SPPL2A: variants seen among roughly 807,000 people sequenced by gnomAD.
SPPL2A encodes the protein signal peptide peptidase-like 2A.
SPPL2A carries 51 observed loss-of-function variants against 63.8 expected under a neutral mutation model. That is an observed-to-expected ratio of 0.80 (90% CI 0.64 to 1.01). The LOEUF is 1.01. Among genes scored for constraint, SPPL2A ranks in the 50% least tolerant of loss-of-function variants. The pLI is 0.00. For missense variants in SPPL2A, 553 were observed against 622.7 expected (o/e 0.89, Z 1.19); for synonymous variants, 188 against 205.8 (o/e 0.91, Z 0.74).
chr15:50,759,520 G>C (rs2062990471), intron 1 of SPPL2A, among the ~76,000 whole-genome samples: 1 of 152,128 alleles, frequency 6.6e-6, no homozygotes, highest in Non-Finnish European at 1.5e-5. Context: ...GAGGCAGGTG[G>C]ATCACAAGGT....
intron 14 of SPPL2A, among the ~76,000 whole-genome samples, chr15:50,716,704 GCTTGT>G (rs753423435): frequency 8.5e-5 from 13 of 152,104 alleles, no homozygotes; most frequent in Non-Finnish European, 1.5e-4. Context: ...TCCTGATGTT[GCTTGT>G]CTTCTTTGTC....
chr15:50,704,920 G>A lies in SPPL2A; in HGVS notation c.*2880C>T, dbSNP rs2062497732. 6.6e-6 allele frequency: 1 copy of A among 152,146 alleles called. No homozygotes were observed. Among genetic ancestry groups the A allele is most frequent in the Non-Finnish European group, 1.5e-5 (1 of 68,032 alleles). 9.4% of individuals were successfully genotyped at this position (152,146 alleles called of 1,614,324 possible). Reference sequence around the variant, plus strand: ...CTAATGGTTAGATAAAGTAGAATTTGTATCAAGTAACTCGGATTTCAGATT... The same window carrying A: ...CTAATGGTTAGATAAAGTAGAATTTATATCAAGTAACTCGGATTTCAGATT... On this transcript the variant is annotated 3_prime_UTR_variant, in exon 15 of 15. Transcript: ENST00000261854.
At chr15:50,721,998 A>G (rs1276678066) in intron 13 of SPPL2A, 126 bp downstream of exon 13, 5 of 580,964 alleles carry the variant, frequency 8.6e-6, no homozygotes, top group African/African-American at 1.9e-5. Context: ...CTTGGCCCCC[A>G]AAGTGCTAGG....
In SPPL2A at chr15:50,703,807, A is replaced by G. The variant is rs532079378; in HGVS notation, c.*3993T>C. 1.3e-5 allele frequency: 2 copies of G among 152,278 alleles called. No homozygotes were observed. Among genetic ancestry groups the G allele is most frequent in the East Asian group, 3.9e-4 (2 of 5,180 alleles). The allele number at this position is 152,278 out of a possible 1,614,324, so 9.4% of individuals were successfully genotyped here. ...AACATCTCATGCACTCCATAAATAT[A>G]TACACCTACATGTACCCACAATTTT... On this transcript the variant is annotated 3_prime_UTR_variant, in exon 15 of 15. Coordinates refer to ENST00000261854, the MANE Select transcript of SPPL2A (RefSeq NM_032802.4).
intron 1 of SPPL2A, among the ~76,000 whole-genome samples, chr15:50,760,147 T>A (rs935741950): frequency 3.3e-5 from 5 of 152,310 alleles, no homozygotes; most frequent in African/African-American, 1.2e-4. Context: ...CAGTTCTGGA[T>A]CAGGTGCCAG....
chr15:50,752,729 AAC>A (rs2062920517), intron 1 of SPPL2A, among the ~76,000 whole-genome samples: 1 of 151,774 alleles, frequency 6.6e-6, no homozygotes, highest in African/African-American at 2.4e-5. Context: ...AAAAAAAAAA[AAC>A]AACCCAAAAA....
chr15:50,739,471 T>C (rs888058997), intron 6 of SPPL2A, among the ~76,000 whole-genome samples: 3 of 151,938 alleles, frequency 2.0e-5, no homozygotes, highest in South Asian at 2.1e-4. Context: ...GAGTCACTGC[T>C]CCTGGCACAT....
At chr15:50,733,984 T>C (rs2062750106) in intron 8 of SPPL2A, among the ~76,000 whole-genome samples, 1 of 152,058 alleles carries the variant, frequency 6.6e-6, no homozygotes, top group South Asian at 2.1e-4. Flanking sequence ...TGAGATATCA[T>C]CTCATCCCAG....
chr15:50,741,153 C>G (rs1023707780), intron 5 of SPPL2A, among the ~76,000 whole-genome samples: 2 of 152,158 alleles, frequency 1.3e-5, no homozygotes, highest in East Asian at 3.9e-4. Flanking sequence ...TCTCTCTTGT[C>G]GACCTTACTA....
chr15:50,721,363 T>A (rs1267244379), intron 13 of SPPL2A, among the ~76,000 whole-genome samples: 1 of 152,122 alleles, frequency 6.6e-6, no homozygotes, highest in Non-Finnish European at 1.5e-5. Flanking sequence ...GACTGCTTTT[T>A]GAATTTCTTT....
chr15:50,721,258 G>A (rs754783561), intron 13 of SPPL2A, among the ~76,000 whole-genome samples: 8 of 151,804 alleles, frequency 5.3e-5, no homozygotes, highest in East Asian at 3.9e-4. Context: ...GGTCTCAAAC[G>A]CCTGACCTCA....
In SPPL2A at chr15:50,720,071, C is replaced by T; in HGVS notation, c.1357G>A (p.Val453Ile). 1 of 1,613,234 alleles carries T rather than the reference C, an allele frequency of 6.2e-7. No homozygotes were observed. The highest frequency in any genetic ancestry group is 8.5e-7 in the Non-Finnish European group (1 of 1,179,724). ...AYAIGMILTF[V>I]VLVLMKKGQP... The stretch of plus-strand genomic sequence containing the variant: ...CCCTTTTTCATCAGCACCAGAACAA[C>T]AAATGTAAGTATCATGCCAATAGCA... Residue 453 changes from valine to isoleucine, a missense_variant, in exon 14 of 15, where the codon GTT becomes ATT. Physicochemically the swap from Val to Ile is conservative, Grantham distance 29 (BLOSUM62 3). Coordinates refer to ENST00000261854, the MANE Select transcript of SPPL2A (RefSeq NM_032802.4).
chr15:50,720,122 A>T, intron 13 of SPPL2A, 22 bp from the exon 14 acceptor site: 1 of 1,588,650 alleles, frequency 6.3e-7, no homozygotes, highest in Non-Finnish European at 8.5e-7. Context: ...ATACCAAGCT[A>T]TAAGTCATTT....
In SPPL2A at chr15:50,748,168, T is replaced by C; in HGVS notation, c.395A>G (p.Asp132Gly). ...PPSGNRSEFP[D>G]VKILIAFISY... The stretch of plus-strand genomic sequence containing the variant: ...TATAAATGCAATCAGTATTTTCACA[T>C]CAGGAAATTCAGATCTGTTACCTGA... Residue 132 changes from aspartate to glycine, a missense_variant, in exon 4 of 15, where the codon GAT (aspartate) becomes GGT (glycine). Asp to Gly is a moderately conservative substitution (Grantham distance 94). Transcript: ENST00000261854. 2.6e-6 allele frequency: 4 copies of C among 1,510,470 alleles called. No individual in the cohort carries two copies. The highest frequency in any genetic ancestry group is 3.5e-6 in the Non-Finnish European group (4 of 1,128,776). The allele number at this position is 1,510,470 out of a possible 1,614,324, so 93.6% of individuals were successfully genotyped here.
At chr15:50,733,010 T>C (rs1043893964) in intron 8 of SPPL2A, among the ~76,000 whole-genome samples, 2 of 152,144 alleles carry the variant, frequency 1.3e-5, no homozygotes, top group African/African-American at 4.8e-5. Flanking sequence ...ACCCCTCATA[T>C]ACTCTATATT....
At chr15:50,756,494 G>A (rs1295734081) in intron 1 of SPPL2A, among the ~76,000 whole-genome samples, 2 of 152,004 alleles carry the variant, frequency 1.3e-5, no homozygotes, top group East Asian at 3.9e-4. Context: ...ACATGCTCCA[G>A]AATGTCTGAA....
intron 14 of SPPL2A, among the ~76,000 whole-genome samples, chr15:50,719,597 T>C (rs1466028822): frequency 6.6e-6 from 1 of 152,234 alleles, no homozygotes; most frequent in Non-Finnish European, 1.5e-5. Context: ...AAATAGCTAA[T>C]GCTTAGTCTC....
intron 2 of SPPL2A, among the ~76,000 whole-genome samples, chr15:50,749,434 C>T (rs1052404828): frequency 6.6e-6 from 1 of 152,090 alleles, no homozygotes; most frequent in Non-Finnish European, 1.5e-5. Context: ...ACTACAGGCG[C>T]CTGCCACCAC....
At chr15:50,742,538 C>T (rs1183676269) in intron 5 of SPPL2A, among the ~76,000 whole-genome samples, 1 of 152,072 alleles carries the variant, frequency 6.6e-6, no homozygotes, top group Non-Finnish European at 1.5e-5. Flanking sequence ...CTTCCCTAAG[C>T]CTTACTCTCT....
Sources: allele counts gnomAD v4.1 joint callset (sites outside exome capture counted in the v4.1 genomes callset), GRCh38; gene constraint gnomAD v4.1.1; transcripts MANE v1.5; gene names NCBI Gene and HGNC (gene_info 2026-07-23, HGNC 2026-07-21).